The following SGCG variants were observed in gnomAD, a reference collection of about 807,000 sequenced individuals.
The protein encoded by SGCG is sarcoglycan gamma, also known as gamma-sarcoglycan.
SGCG carries 26 observed loss-of-function variants against 29.3 expected under a neutral mutation model. The ratio of observed to expected loss-of-function variants is 0.89; its 90% CI spans 0.65 to 1.23. SGCG has a LOEUF of 1.23. SGCG is among the 50% of genes most tolerant of loss of function. The pLI is 0.00. For synonymous variants in SGCG, 145 were observed against 129.7 expected (o/e 1.12, Z -0.80); for missense variants, 353 against 356.0 (o/e 0.99, Z 0.07).
At chr13:23,225,784 C>T (rs952835481) in intron 2 of SGCG, among the ~76,000 whole-genome samples, 1 of 125,262 alleles carries the variant, frequency 8.0e-6, no homozygotes, top group Non-Finnish European at 1.8e-5. Flanking sequence ...ATGTCATACA[C>T]ACACACACAC....
At chr13:23,240,710 TAAC>T (rs1398059052) in intron 3 of SGCG, among the ~76,000 whole-genome samples, 5 of 151,954 alleles carry the variant, frequency 3.3e-5, no homozygotes, top group Admixed American at 1.3e-4. Flanking sequence ...AATTTATAAA[TAAC>T]CATGGGTCAA....
At chr13:23,286,504 A>G (rs957565916) in intron 5 of SGCG, among the ~76,000 whole-genome samples, 1 of 152,200 alleles carries the variant, frequency 6.6e-6, no homozygotes, top group Non-Finnish European at 1.5e-5. Flanking sequence ...CAATTTAACT[A>G]TTACAGTTGT....
intron 7 of SGCG, 138 bp downstream of exon 7, chr13:23,320,898 A>C: frequency 1.1e-6 from 1 of 904,112 alleles, no homozygotes; most frequent in Non-Finnish European, 1.8e-6. Flanking sequence ...GCAAATGTAC[A>C]AGGAAAGCAA....
intron 6 of SGCG, among the ~76,000 whole-genome samples, chr13:23,298,537 G>T (rs2137650131): frequency 6.6e-6 from 1 of 152,190 alleles, no homozygotes; most frequent in Non-Finnish European, 1.5e-5. Flanking sequence ...AATAGATTGT[G>T]ACTATAATTA....
chr13:23,323,176 A>G (rs1331734895), intron 7 of SGCG, among the ~76,000 whole-genome samples: 1 of 152,212 alleles, frequency 6.6e-6, no homozygotes, highest in Non-Finnish European at 1.5e-5. Flanking sequence ...ACTGCAGGTC[A>G]TAACCTATGA....
Position 23,324,773 on chromosome 13 carries a change from T to C in SGCG, c.*232T>C, listed in dbSNP as rs1345647659. The stretch of plus-strand genomic sequence containing the variant: ...GACAAAATGGAAAAGCAATGTGTTT[T>C]TCCACTGGATTAATTTTCACCGGAA... On this transcript the variant is annotated 3_prime_UTR_variant, in exon 8 of 8. Transcript: ENST00000218867. The C allele has an allele frequency of 1.9e-6, 1 of 538,912 alleles. No homozygotes were observed. The highest frequency in any genetic ancestry group is 1.9e-5 in the African/African-American group (1 of 52,550). The allele number at this position is 538,912 out of a possible 1,614,324, so 33.4% of individuals were successfully genotyped here.
chr13:23,279,264 C>T (rs1881208440), intron 4 of SGCG, 95 bp from the exon 5 acceptor site: 4 of 1,175,512 alleles, frequency 3.4e-6, no homozygotes, highest in Non-Finnish European at 5.0e-6. Context: ...TCTTTAGATA[C>T]TTGGTATTGT....
At chr13:23,272,354 T>C (rs967782141) in intron 4 of SGCG, among the ~76,000 whole-genome samples, 3 of 152,206 alleles carry the variant, frequency 2.0e-5, no homozygotes, top group African/African-American at 7.2e-5. Context: ...GAATGTTCAT[T>C]GATCATAAAT....
At chr13:23,316,412 G>A (rs71429838) in intron 6 of SGCG, among the ~76,000 whole-genome samples, 28,963 of 152,188 alleles carry the variant, frequency 0.19, 3,348 homozygotes, top group Non-Finnish European at 0.25. Context: ...GCAGCAGTGG[G>A]CTCATGCTCA....
intron 3 of SGCG, among the ~76,000 whole-genome samples, chr13:23,236,397 G>A (rs1012633393): frequency 1.3e-5 from 2 of 152,140 alleles, no homozygotes; most frequent in African/African-American, 4.8e-5. Context: ...CTCTCAGTTG[G>A]CCAGGCGTGG....
chr13:23,290,501 AT>A (rs1231528005), intron 5 of SGCG, among the ~76,000 whole-genome samples: 1 of 152,216 alleles, frequency 6.6e-6, no homozygotes, highest in African/African-American at 2.4e-5. Flanking sequence ...AGAAATTGTC[AT>A]TGGATTTATT....
chr13:23,202,908 C>T (rs563240079), intron 1 of SGCG, among the ~76,000 whole-genome samples: 13 of 152,116 alleles, frequency 8.5e-5, no homozygotes, highest in African/African-American at 3.1e-4. Flanking sequence ...CTAAAAAGTA[C>T]TTCTGTTATT....
intron 4 of SGCG, among the ~76,000 whole-genome samples, chr13:23,276,383 C>G (rs1465160347): frequency 6.6e-6 from 1 of 150,730 alleles, no homozygotes; most frequent in Non-Finnish European, 1.5e-5. Context: ...CTGGAGATCC[C>G]TGTTCTTCCT....
chr13:23,237,796 A>G (rs1052695959), intron 3 of SGCG, among the ~76,000 whole-genome samples: 1 of 85,774 alleles, frequency 1.2e-5, no homozygotes, highest in African/African-American at 4.6e-5. Flanking sequence ...TGAAATCTTC[A>G]TCTAAAAAAA....
chr13:23,165,602 G>A, the SGCG span, among the ~76,000 whole-genome samples: 3 of 150,756 alleles, frequency 2.0e-5, no homozygotes, highest in East Asian at 5.9e-4. Context: ...TGCGTTCACT[G>A]CAACCTCCAC....
intron 4 of SGCG, among the ~76,000 whole-genome samples, chr13:23,270,693 T>C (rs1880840946): frequency 6.6e-6 from 1 of 152,222 alleles, no homozygotes. Context: ...GTTATTGTTA[T>C]GTATTCAAAC....
chr13:23,281,492 G>A (rs1022873237), intron 5 of SGCG, among the ~76,000 whole-genome samples: 2 of 152,104 alleles, frequency 1.3e-5, no homozygotes, highest in African/African-American at 4.8e-5. Context: ...ACAGCTCTGG[G>A]GACCACACTT....
chr13:23,247,898 C>G (rs1246425023), intron 3 of SGCG, among the ~76,000 whole-genome samples: 1 of 146,252 alleles, frequency 6.8e-6, no homozygotes, highest in Non-Finnish European at 1.5e-5. Flanking sequence ...CTACAGTGAA[C>G]TGTATACTCA....
intron 2 of SGCG, among the ~76,000 whole-genome samples, chr13:23,226,196 A>G (rs1485321209): frequency 6.6e-6 from 1 of 152,218 alleles, no homozygotes; most frequent in Non-Finnish European, 1.5e-5. Context: ...TTGCATTTTT[A>G]AAAAGATCGT....
Sources: allele counts gnomAD v4.1 joint callset (sites outside exome capture counted in the v4.1 genomes callset), GRCh38; gene constraint gnomAD v4.1.1; transcripts MANE v1.5; gene names NCBI Gene and HGNC (gene_info 2026-07-23, HGNC 2026-07-21).